The following TTC12 variants were observed in gnomAD, a reference collection of about 807,000 sequenced individuals.
TTC12 encodes tetratricopeptide repeat domain 12.
Under a neutral mutation model 90.1 loss-of-function variants are expected in TTC12, and 70 were observed. The ratio of observed to expected loss-of-function variants is 0.78; its 90% confidence interval spans 0.64 to 0.95. The LOEUF is 0.95. Among genes scored for constraint, TTC12 ranks in the 40% least tolerant of loss-of-function variants. The pLI, the probability that TTC12 is intolerant of heterozygous loss-of-function variation, is 0.00. For missense variants in TTC12, 819 were observed against 846.1 expected (o/e 0.97, Z 0.40); for synonymous variants, 296 against 311.5 (o/e 0.95, Z 0.53).
At position 113,323,405 on chromosome 11, in the gene TTC12, C is replaced by A. The variant is rs151257967; in HGVS notation, c.176C>A (p.Thr59Asn). 3.1e-6 allele frequency: 5 copies of A among 1,612,336 alleles called. No individual in the cohort carries two copies. In the Middle Eastern group the frequency reaches 8.3e-4, roughly 266 times the overall value. ...EEDQEEDECR[T>N]TLNKTMISPP... Reference sequence around the variant, plus strand: ...GACCAGGAGGAGGATGAATGCAGGACCACCTTGAACAAGACTATGATCAGT... The same window carrying A: ...GACCAGGAGGAGGATGAATGCAGGAACACCTTGAACAAGACTATGATCAGT... Residue 59 changes from threonine (T) to asparagine (N), a missense_variant, in exon 3 of 22, where the codon ACC becomes AAC. Coordinates refer to ENST00000529221, the MANE Select transcript of TTC12 (RefSeq NM_017868.4).
chr11:113,315,899 T>A, intron 1 of TTC12: 1 of 179,036 alleles, frequency 5.6e-6, no homozygotes, highest in Non-Finnish European at 1.2e-5. Context: ...TGTTAGTGTA[T>A]TTCTCTATCC....
At chr11:113,334,596 A>G (rs1280082077) in intron 7 of TTC12, among the ~76,000 whole-genome samples, 1 of 151,814 alleles carries the variant, frequency 6.6e-6, no homozygotes, top group Admixed American at 6.6e-5. Flanking sequence ...GTCTTATCCC[A>G]GAGTATAATG....
Position 113,366,293 on chromosome 11 carries a change from A to T in TTC12, c.2111A>T (p.Asp704Val). ...AACTCTACGATGAAATACATCAGTG[A>T]TTCTTGAGAGAGACAGGGTTTGTGT... ...ILNSTMKYIS[D>V]S The change falls in exon 22 of 22, where the codon GAT (aspartate) becomes GTT (valine). Residue 704 changes from aspartate (D) to valine (V), a missense_variant. Asp to Val is a radical substitution (Grantham distance 152). Coordinates refer to ENST00000529221, the MANE Select transcript of TTC12 (RefSeq NM_017868.4). 6 of 1,613,734 alleles carry T rather than the reference A, an allele frequency of 3.7e-6. No individual in the cohort carries two copies. The highest frequency in any genetic ancestry group is 2.7e-5 in the African/African-American group (2 of 75,066).
Position 113,359,363 on chromosome 11 carries a change from G to C in TTC12, c.1447G>C (p.Ala483Pro), listed in dbSNP as rs1377837182. The C allele has an allele frequency of 5.0e-6, 8 of 1,602,812 alleles. No homozygotes were observed. The highest frequency in any genetic ancestry group is 6.8e-6 in the Non-Finnish European group (8 of 1,171,382). The change falls in exon 17 of 22, where the codon GCC becomes CCC. Residue 483 changes from alanine to proline, a missense_variant and splice_region_variant. Coordinates refer to ENST00000529221, the MANE Select transcript of TTC12 (RefSeq NM_017868.4). ...TGGTTACCTTGTTTTGTTTCCCAAGGCCAGGTGTGAGGAGGATGTGGACCT... is the reference window on the plus strand; with the variant it reads ...TGGTTACCTTGTTTTGTTTCCCAAGCCCAGGTGTGAGGAGGATGTGGACCT... The part of the protein sequence containing the change: ...EFGDGCLSLL[A>P]RCEEDVDLFR...
At chr11:113,358,673 G>T (rs1019485443) in intron 16 of TTC12, among the ~76,000 whole-genome samples, 1 of 152,114 alleles carries the variant, frequency 6.6e-6, no homozygotes, top group Non-Finnish European at 1.5e-5. Flanking sequence ...ACACTTCTAC[G>T]CCCAACCCTC....
At chr11:113,335,238 T>A (rs1948298428) in intron 8 of TTC12, among the ~76,000 whole-genome samples, 1 of 152,138 alleles carries the variant, frequency 6.6e-6, no homozygotes, top group Admixed American at 6.5e-5. Context: ...AGGACTCTCT[T>A]CTGCAACATC....
In TTC12 at chr11:113,341,883, G is replaced by A. The variant is rs1948706103; in HGVS notation, c.943G>A (p.Val315Met). 6.2e-7 allele frequency: 1 copy of A among 1,614,102 alleles called. No homozygotes were observed. ...TGATGCAGTTGAAGAAATGGTCTGTGTGTCTGTTCTCAAGCTCTGGCAAGC... is the reference window on the plus strand; with the variant it reads ...TGATGCAGTTGAAGAAATGGTCTGTATGTCTGTTCTCAAGCTCTGGCAAGC... ...GNDAVEEMVC[V>M]SVLKLWQAVC... The change falls in exon 12 of 22, where the codon GTG (valine) becomes ATG (methionine). Residue 315 changes from valine (V) to methionine (M), a missense_variant. Physicochemically the swap from Val to Met is conservative, Grantham distance 21 (BLOSUM62 1). Coordinates refer to ENST00000529221, the MANE Select transcript of TTC12 (RefSeq NM_017868.4).
rs191753083 is a variant in TTC12, at chr11:113,361,926, A to G, written c.1615-475A>G. Among the ~76,000 whole-genome samples, 12 of 151,686 alleles carry G rather than the reference A, an allele frequency of 7.9e-5. No individual in the cohort carries two copies. The East Asian group carries it at 2.3e-3, about 29-fold the overall frequency. ...AGAAAGATTTAAGATAGTTATATCC[A>G]TAAAAGAGTAACAGCTTGGCATTTA... On this transcript the variant is annotated intron_variant, in intron 18 of 21. Coordinates refer to ENST00000529221, the MANE Select transcript of TTC12 (RefSeq NM_017868.4).
At chr11:113,321,718 A>G (rs782559049) in intron 2 of TTC12, among the ~76,000 whole-genome samples, 9 of 152,210 alleles carry the variant, frequency 5.9e-5, no homozygotes, top group Non-Finnish European at 1.0e-4. Flanking sequence ...GTTTGCAAAC[A>G]TGACACAAGC....
intron 7 of TTC12, among the ~76,000 whole-genome samples, chr11:113,333,271 CT>C (rs1948164797): frequency 6.6e-6 from 1 of 152,246 alleles, no homozygotes; most frequent in African/African-American, 2.4e-5. Context: ...CCGGAGCCCC[CT>C]ATACTCTCCT....
chr11:113,334,912 G>C, intron 7 of TTC12, 54 bp from the exon 8 acceptor site: 1 of 1,414,008 alleles, frequency 7.1e-7, no homozygotes, highest in Non-Finnish European at 1.0e-6. Context: ...GAGGGGAGTG[G>C]CTAATGACTT....
At chr11:113,322,181 A>G (rs1456043116) in intron 2 of TTC12, among the ~76,000 whole-genome samples, 1 of 152,236 alleles carries the variant, frequency 6.6e-6, no homozygotes, top group Non-Finnish European at 1.5e-5. Flanking sequence ...TCAGTGGGAA[A>G]TGAAGAAATT....
intron 8 of TTC12, among the ~76,000 whole-genome samples, chr11:113,338,087 GTT>G (rs1555144610): frequency 6.6e-6 from 1 of 152,120 alleles, no homozygotes; most frequent in East Asian, 1.9e-4. Flanking sequence ...TGTTGTTGTT[GTT>G]GTTGTTGTTT....
intron 16 of TTC12, among the ~76,000 whole-genome samples, chr11:113,357,370 A>G (rs1447025700): frequency 6.6e-6 from 1 of 152,106 alleles, no homozygotes; most frequent in African/African-American, 2.4e-5. Flanking sequence ...GTGGGTTTCA[A>G]CGTACTCCTG....
At chr11:113,368,534 A>G, downstream of TTC12, 1 of 1,529,010 alleles carries the variant, frequency 6.5e-7, no homozygotes, top group Non-Finnish European at 8.9e-7. Flanking sequence ...TGTGGCCGGG[A>G]TGGAACTCCA....
At chr11:113,339,606 G>T (rs1948573432) in intron 10 of TTC12, 132 bp downstream of exon 10, 3 of 821,162 alleles carry the variant, frequency 3.7e-6, no homozygotes, top group African/African-American at 1.7e-5. Flanking sequence ...CGCTAATGTA[G>T]CTGCTAAAAG....
intron 10 of TTC12, among the ~76,000 whole-genome samples, chr11:113,340,050 C>T (rs551227512): frequency 1.3e-5 from 2 of 152,298 alleles, no homozygotes; most frequent in African/African-American, 4.8e-5. Flanking sequence ...TTAATGGCTG[C>T]ATAGGATGTG....
chr11:113,323,158 C>G (rs1591520699), intron 2 of TTC12, 130 bp from the exon 3 acceptor site: 11 of 393,704 alleles, frequency 2.8e-5, no homozygotes, highest in East Asian at 1.1e-4. Flanking sequence ...TCTGCTTGCT[C>G]TATTTTGCTT....
At chr11:113,341,004 C>T (rs986058820) in intron 11 of TTC12, among the ~76,000 whole-genome samples, 51 of 152,184 alleles carry the variant, frequency 3.4e-4, no homozygotes, top group African/African-American at 1.1e-3. Flanking sequence ...TCAAGGCGGG[C>T]GGATCACTTG....
Sources: allele counts gnomAD v4.1 joint callset (sites outside exome capture counted in the v4.1 genomes callset), GRCh38; gene constraint gnomAD v4.1.1; transcripts MANE v1.5; gene names NCBI Gene and HGNC (gene_info 2026-07-23, HGNC 2026-07-21).